The following HECW1 variants were observed in gnomAD, a reference collection of about 807,000 sequenced individuals.
The protein encoded by HECW1 is HECT, C2 and WW domain containing E3 ubiquitin protein ligase 1.
A neutral mutation model predicts 182.3 loss-of-function variants in HECW1; 61 were observed. That is an observed-to-expected ratio of 0.33 (90% CI 0.27 to 0.41). HECW1 has a LOEUF of 0.41. Among genes scored for constraint, HECW1 ranks in the 10% least tolerant of loss-of-function variants. The probability of loss-of-function intolerance (pLI) is 1.00; values close to 1 mark genes in which losing one functional copy is unlikely to be tolerated. For missense variants in HECW1, 1,739 were observed against 2,108.9 expected (o/e 0.82, Z 3.44); for synonymous variants, 859 against 832.6 (o/e 1.03, Z -0.55).
chr7:43,283,957 A>G (rs1804265114), intron 3 of HECW1, among the ~76,000 whole-genome samples: 4 of 152,112 alleles, frequency 2.6e-5, no homozygotes, highest in Admixed American at 2.6e-4. Context: ...GAACAGCCAC[A>G]CCTCTTCCCA....
intron 5 of HECW1, among the ~76,000 whole-genome samples, chr7:43,347,331 T>C (rs185821805): frequency 1.3e-5 from 2 of 152,348 alleles, no homozygotes; most frequent in East Asian, 3.9e-4. Flanking sequence ...GCTTGGTTGC[T>C]GTTGATGTAT....
At chr7:43,542,699 G>C (rs2081407612) in intron 26 of HECW1, among the ~76,000 whole-genome samples, 1 of 152,026 alleles carries the variant, frequency 6.6e-6, no homozygotes, top group South Asian at 2.1e-4. Context: ...CAATTCTTTT[G>C]GATATATACA....
intron 6 of HECW1, among the ~76,000 whole-genome samples, chr7:43,383,616 T>G (rs985737482): frequency 1.3e-5 from 2 of 152,210 alleles, no homozygotes; most frequent in African/African-American, 2.4e-5. Context: ...CTTTGCCCAC[T>G]TTTTGATAGG....
intron 28 of HECW1, 148 bp from the exon 29 acceptor site, chr7:43,554,444 A>G (rs2081953292): frequency 1.5e-6 from 1 of 675,166 alleles, no homozygotes; most frequent in Admixed American, 2.9e-5. Context: ...ATTGTTTTAG[A>G]CCTCTCTAAA....
intron 26 of HECW1, among the ~76,000 whole-genome samples, chr7:43,544,740 T>C (rs939541009): frequency 6.6e-6 from 1 of 152,146 alleles, no homozygotes; most frequent in African/African-American, 2.4e-5. Context: ...AAATAAATGA[T>C]ACATTTACTA....
chr7:43,250,434 A>G (rs1799908876), intron 3 of HECW1, among the ~76,000 whole-genome samples: 1 of 152,208 alleles, frequency 6.6e-6, no homozygotes, highest in Non-Finnish European at 1.5e-5. Context: ...TACAGCTGTT[A>G]GCAAACAGGT....
At chr7:43,293,293 C>T (rs1380414730) in intron 3 of HECW1, among the ~76,000 whole-genome samples, 1 of 151,840 alleles carries the variant, frequency 6.6e-6, no homozygotes, top group East Asian at 1.9e-4. Flanking sequence ...GGAGCAGACC[C>T]GAGCAGCGGT....
chr7:43,396,630 C>T (rs1282995472), intron 6 of HECW1, 184 bp from the exon 7 acceptor site: 1 of 527,376 alleles, frequency 1.9e-6, no homozygotes, highest in Non-Finnish European at 3.4e-6. Flanking sequence ...CTAGCAGATC[C>T]TCTACTACTG....
chr7:43,308,627 ATT>A (rs59607666), intron 3 of HECW1, among the ~76,000 whole-genome samples: 7 of 142,186 alleles, frequency 4.9e-5, no homozygotes, highest in African/African-American at 5.1e-5. Context: ...CCTTTCTGTA[ATT>A]TTTTTTTTTT....
intron 2 of HECW1, among the ~76,000 whole-genome samples, chr7:43,223,633 T>A (rs765129082): frequency 2.0e-5 from 3 of 151,224 alleles, no homozygotes; most frequent in African/African-American, 4.9e-5. Flanking sequence ...AAAAAAAAAA[T>A]ATGCCAAGTT....
rs1293088882 is a variant in HECW1, at chr7:43,488,361, AGG to A, written c.3235-3713_3235-3712del. On this transcript the variant is annotated intron_variant, in intron 17 of 29. Transcript: ENST00000395891. ...AAGGAAGGAAGGAAGGAAGGAAGGAAGGAAGGAAGGAAGGAAGGAAGGAAGGA... is the reference window on the plus strand; with the variant it reads ...AAGGAAGGAAGGAAGGAAGGAAGGAAAAGGAAGGAAGGAAGGAAGGAAGGA... 5.9e-4 allele frequency among the ~76,000 whole-genome samples: 77 copies of A among 130,986 alleles called. 1 individual carries two copies. Among genetic ancestry groups the A allele is most frequent in the Non-Finnish European group, 6.2e-4 (38 of 61,132 alleles). The allele number at this position is 130,986 out of a possible 152,430, so 85.9% of individuals were successfully genotyped here.
At chr7:43,407,097 T>C (rs1443456963) in intron 7 of HECW1, among the ~76,000 whole-genome samples, 2 of 152,160 alleles carry the variant, frequency 1.3e-5, no homozygotes, top group African/African-American at 4.8e-5. Context: ...AGCTCGATTT[T>C]CAAAGCCCTG....
chr7:43,540,721 C>T (rs1319550744), intron 24 of HECW1, among the ~76,000 whole-genome samples: 1 of 152,232 alleles, frequency 6.6e-6, no homozygotes, highest in Non-Finnish European at 1.5e-5. Context: ...AACCCTCCAC[C>T]TGCCAGCATG....
At chr7:43,490,011 CTCTT>C (rs2078868396) in intron 17 of HECW1, among the ~76,000 whole-genome samples, 1 of 152,152 alleles carries the variant, frequency 6.6e-6, no homozygotes, top group Non-Finnish European at 1.5e-5. Flanking sequence ...GATGTTTGAA[CTCTT>C]TCTAAGTGTC....
At chr7:43,374,722 C>T (rs1432296830) in intron 6 of HECW1, among the ~76,000 whole-genome samples, 2 of 45,904 alleles carry the variant, frequency 4.4e-5, no homozygotes, top group Non-Finnish European at 6.9e-5. Flanking sequence ...TGCAGTGAGC[C>T]GAGATCCCGC....
intron 2 of HECW1, among the ~76,000 whole-genome samples, chr7:43,179,554 T>TTTGTTGTTGTTGTTGTTGTTG (rs35378292): frequency 1.3e-5 from 2 of 148,214 alleles, no homozygotes; most frequent in African/African-American, 5.1e-5. Flanking sequence ...ATTTGCTAAG[T>TTTGTTGTTGTTGTTGTTGTTG]TTGTTGTTGT....
chr7:43,467,952 C>G (rs1298371604), intron 15 of HECW1, among the ~76,000 whole-genome samples: 2 of 152,134 alleles, frequency 1.3e-5, no homozygotes, highest in South Asian at 4.1e-4. Flanking sequence ...CAAGCAGCTC[C>G]CCAGAGGTGT....
intron 8 of HECW1, among the ~76,000 whole-genome samples, chr7:43,408,417 T>C (rs1384412349): frequency 6.6e-6 from 1 of 151,996 alleles, no homozygotes; most frequent in African/African-American, 2.4e-5. Flanking sequence ...GCACCACTTA[T>C]TTGGCCAGGC....
At chr7:43,238,345 G>A (rs1165829433) in intron 2 of HECW1, among the ~76,000 whole-genome samples, 1 of 152,142 alleles carries the variant, frequency 6.6e-6, no homozygotes, top group Non-Finnish European at 1.5e-5. Flanking sequence ...CTTGGCTCCA[G>A]GACCCAGCTT....
Sources: gnomAD v4.1 joint callset for allele counts (sites outside exome capture counted in the v4.1 genomes callset) on GRCh38, gnomAD v4.1.1 for gene constraint, MANE v1.5 for transcripts, NCBI Gene and HGNC (gene_info 2026-07-23, HGNC 2026-07-21) for gene names.